FOXJ3: variants seen among roughly 807,000 people sequenced by gnomAD.
FOXJ3 encodes the protein forkhead box J3, also known as forkhead box protein J3.
FOXJ3 carries 22 observed loss-of-function variants against 76.1 expected under a neutral mutation model. That is an observed-to-expected ratio of 0.29 (90% CI 0.21 to 0.41). The LOEUF (loss-of-function observed/expected upper bound fraction) is 0.41, where lower values mean the gene tolerates loss of function less well. FOXJ3 is among the 10% of genes least tolerant of loss of function. The pLI is 1.00. For missense variants in FOXJ3, 613 were observed against 762.1 expected, an observed-to-expected ratio of 0.80 and a Z score of 2.30; for synonymous variants, 269 against 261.2, an observed-to-expected ratio of 1.03 and a Z score of -0.29.
intron 5 of FOXJ3, among the ~76,000 whole-genome samples, chr1:42,221,001 C>G (rs1315659386): frequency 6.6e-6 from 1 of 152,138 alleles, no homozygotes; most frequent in Non-Finnish European, 1.5e-5. Flanking sequence ...CAAGAATAAA[C>G]ATACATGTTA....
At chr1:42,261,825 GT>G (rs1557682561) in intron 4 of FOXJ3, among the ~76,000 whole-genome samples, 1 of 152,138 alleles carries the variant, frequency 6.6e-6, no homozygotes, top group Admixed American at 6.5e-5. Context: ...GGTGAGGGTG[GT>G]TTTGGAAAAG....
intron 1 of FOXJ3, among the ~76,000 whole-genome samples, chr1:42,318,508 A>AT (rs995417426): frequency 6.6e-5 from 10 of 151,876 alleles, no homozygotes; most frequent in South Asian, 2.1e-4. Context: ...TGTCTGGCTA[A>AT]TTTTTTTTGT....
chr1:42,268,690 A>C (rs1289224675), intron 3 of FOXJ3, among the ~76,000 whole-genome samples: 1 of 152,198 alleles, frequency 6.6e-6, no homozygotes, highest in Non-Finnish European at 1.5e-5. Context: ...TGGTTTATAA[A>C]ATTCTTACAT....
intron 2 of FOXJ3, among the ~76,000 whole-genome samples, chr1:42,292,953 T>C (rs1483731546): frequency 1.3e-5 from 2 of 151,880 alleles, no homozygotes; most frequent in African/African-American, 2.4e-5. Flanking sequence ...ATACAAAAAT[T>C]AGCCAGGTGT....
chr1:42,208,859 A>T (rs1357189666), intron 5 of FOXJ3, among the ~76,000 whole-genome samples: 1 of 152,242 alleles, frequency 6.6e-6, no homozygotes, highest in Non-Finnish European at 1.5e-5. Flanking sequence ...CGTTCAGAAC[A>T]CTTACACATT....
chr1:42,264,992 C>G (rs1375472599), intron 4 of FOXJ3, 123 bp downstream of exon 4: 8 of 749,096 alleles, frequency 1.1e-5, no homozygotes, highest in Admixed American at 5.9e-5. Flanking sequence ...AGCTTTAGAG[C>G]AGGGTGGGGG....
chr1:42,201,867 A>AT (rs1569847744), intron 6 of FOXJ3, among the ~76,000 whole-genome samples: 1 of 152,084 alleles, frequency 6.6e-6, no homozygotes, highest in Non-Finnish European at 1.5e-5. Context: ...ATAAAGAAAT[A>AT]TTTTTTAATT....
At chr1:42,320,153 G>A (rs1316242577) in intron 1 of FOXJ3, among the ~76,000 whole-genome samples, 1 of 152,094 alleles carries the variant, frequency 6.6e-6, no homozygotes, top group African/African-American at 2.4e-5. Flanking sequence ...GGAAATATAC[G>A]TAACTGCCTC....
chr1:42,281,846 G>T (rs1449479809), intron 2 of FOXJ3, among the ~76,000 whole-genome samples: 1 of 152,146 alleles, frequency 6.6e-6, no homozygotes, highest in Non-Finnish European at 1.5e-5. Flanking sequence ...ATCACCTGAG[G>T]TCTGGAGTTT....
chr1:42,196,230 T>C (rs1046077526), intron 7 of FOXJ3, among the ~76,000 whole-genome samples: 15 of 152,214 alleles, frequency 9.9e-5, no homozygotes, highest in African/African-American at 3.1e-4. Flanking sequence ...GCTGACACCA[T>C]GCTAACCTGG....
At chr1:42,273,975 T>C (rs1239220256) in intron 3 of FOXJ3, among the ~76,000 whole-genome samples, 1 of 152,078 alleles carries the variant, frequency 6.6e-6, no homozygotes, top group Non-Finnish European at 1.5e-5. Flanking sequence ...TCTGGCACCT[T>C]TTTTGCTTTC....
At chr1:42,252,319 CAG>C (rs1225752756) in intron 4 of FOXJ3, among the ~76,000 whole-genome samples, 3 of 152,176 alleles carry the variant, frequency 2.0e-5, no homozygotes, top group African/African-American at 7.2e-5. Context: ...TTGGTCTATT[CAG>C]AGATTCAATT....
In FOXJ3 at chr1:42,205,766, T is replaced by C. The variant is rs773689728; in HGVS notation, c.626A>G (p.Asn209Ser). The change falls in exon 6 of 13, where the codon AAC becomes AGC. Residue 209 changes from asparagine to serine, a missense_variant. Around this residue, in one of 3 missense-constraint regions of FOXJ3, gnomAD observed 526 missense variants for 601.4 expected, o/e 0.87. Coordinates refer to ENST00000361346, the MANE Select transcript of FOXJ3 (RefSeq NM_014947.5). ...SPTLAINTVT[N>S]KVTLYNTDQD... ...TGTTTAAAAAAATGAAATTACTTTGTTAGTCACAGTGTTGATTGCCAGAGT... is the reference window on the plus strand; with the variant it reads ...TGTTTAAAAAAATGAAATTACTTTGCTAGTCACAGTGTTGATTGCCAGAGT... 2 of 1,546,144 alleles carry C rather than the reference T, an allele frequency of 1.3e-6. No homozygotes were observed. Among genetic ancestry groups the C allele is most frequent in the African/African-American group, 2.7e-5 (2 of 73,504 alleles).
Position 42,179,310 on chromosome 1 carries a change from T to G in FOXJ3, c.*400A>C, listed in dbSNP as rs1464821197. 6.5e-6 allele frequency: 1 copy of G among 153,278 alleles called. No individual in the cohort carries two copies. Among genetic ancestry groups the G allele is most frequent in the African/African-American group, 2.4e-5 (1 of 41,472 alleles). 9.5% of individuals were successfully genotyped at this position (153,278 alleles called of 1,614,324 possible). A position where few individuals can be genotyped will look rare whatever the true frequency, so the allele number is the denominator to read the frequency against. On this transcript the variant is annotated 3_prime_UTR_variant, in exon 13 of 13. Coordinates refer to ENST00000361346, the MANE Select transcript of FOXJ3 (RefSeq NM_014947.5). ...AACTTTCAAGACATAATAATCCAATTAGAAAAAACTGAAGCCTTTCAGTAA... is the reference window on the plus strand; with the variant it reads ...AACTTTCAAGACATAATAATCCAATGAGAAAAAACTGAAGCCTTTCAGTAA...
At chr1:42,283,430 C>T (rs1186600129) in intron 2 of FOXJ3, among the ~76,000 whole-genome samples, 1 of 152,144 alleles carries the variant, frequency 6.6e-6, no homozygotes, top group Non-Finnish European at 1.5e-5. Context: ...TACTTTAGTA[C>T]ACTGCGTGGC....
chr1:42,207,500 C>T (rs910988415), intron 5 of FOXJ3, among the ~76,000 whole-genome samples: 1 of 152,064 alleles, frequency 6.6e-6, no homozygotes, highest in Non-Finnish European at 1.5e-5. Flanking sequence ...TTTATTGAGC[C>T]TTCAAAAGTT....
chr1:42,298,650 T>A (rs1653943018), intron 2 of FOXJ3, among the ~76,000 whole-genome samples: 1 of 152,184 alleles, frequency 6.6e-6, no homozygotes, highest in Non-Finnish European at 1.5e-5. Context: ...CATTTTTTTA[T>A]CTCATTTAGG....
At position 42,231,646 on chromosome 1, in the gene FOXJ3, T is replaced by C. The variant is rs115861687; in HGVS notation, c.445-3680A>G. Among the ~76,000 whole-genome samples the C allele has an allele frequency of 8.7e-3, 1,329 of 152,338 alleles. 5 individuals carry two copies. Among genetic ancestry groups the C allele is most frequent in the Non-Finnish European group, 0.015 (987 of 68,024 alleles). The stretch of plus-strand genomic sequence containing the variant: ...GGTAAGAATTATGTTATGTATATTT[T>C]ACCACCAAAAAGTACCTCTCAGCCG... On this transcript the variant is annotated intron_variant, in intron 4 of 12. Coordinates refer to ENST00000361346, the MANE Select transcript of FOXJ3 (RefSeq NM_014947.5).
At position 42,230,336 on chromosome 1, in the gene FOXJ3, A is replaced by C. The variant is rs1352786925; in HGVS notation, c.445-2370T>G. Among the ~76,000 whole-genome samples, 3 of 152,288 alleles carry C rather than the reference A, an allele frequency of 2.0e-5. No homozygotes were observed. In the East Asian group the frequency reaches 5.8e-4, roughly 29 times the overall value. On this transcript the variant is annotated intron_variant, in intron 4 of 12. Coordinates refer to ENST00000361346, the MANE Select transcript of FOXJ3 (RefSeq NM_014947.5). ...ACCCACTAGCATGTCTATGATCAAA[A>C]AAAACAGAAAATAGCAGGTACAGGC...
Sources: allele counts gnomAD v4.1 joint callset (sites outside exome capture counted in the v4.1 genomes callset), GRCh38; gene constraint gnomAD v4.1.1; regional missense constraint gnomAD v4.1.1; transcripts MANE v1.5; gene names NCBI Gene and HGNC (gene_info 2026-07-23, HGNC 2026-07-21).